The following DSE variants were observed in gnomAD, a reference collection of about 807,000 sequenced individuals.
DSE encodes dermatan sulfate epimerase, also known as dermatan-sulfate epimerase.
Under a neutral mutation model 84.4 loss-of-function variants are expected in DSE, and 36 were observed. The ratio of observed to expected loss-of-function variants is 0.43; its 90% CI spans 0.33 to 0.56. The LOEUF is 0.56. Among genes scored for constraint, DSE ranks in the 20% least tolerant of loss-of-function variants. DSE has a pLI of 0.06. For synonymous variants in DSE, 410 were observed against 430.1 expected (o/e 0.95, Z 0.58); for missense variants, 862 against 1,169.6 (o/e 0.74, Z 3.84).
At chr6:116,285,663 T>G (rs1298966707) in intron 2 of DSE, among the ~76,000 whole-genome samples, 5 of 152,240 alleles carry the variant, frequency 3.3e-5, no homozygotes, top group African/African-American at 2.4e-5. Flanking sequence ...GGTCTAACAT[T>G]TAAGTCTTTA....
intron 2 of DSE, among the ~76,000 whole-genome samples, chr6:116,418,527 G>T (rs1583206935): frequency 6.6e-6 from 1 of 152,006 alleles, no homozygotes; most frequent in East Asian, 1.9e-4. Flanking sequence ...TCCTTGGGTG[G>T]GCCCTGAGCA....
chr6:116,279,630 C>T, intron 2 of DSE: 3 of 1,604,290 alleles, frequency 1.9e-6, no homozygotes, highest in Non-Finnish European at 2.5e-6. Context: ...GTACGCCCCC[C>T]TCCTCTGAAG....
rs1416447107 is a variant in DSE, at chr6:116,403,775, G to A, written c.416+4109G>A. On this transcript the variant is annotated intron_variant, in intron 2 of 5. Coordinates refer to ENST00000644252, the MANE Select transcript of DSE (RefSeq NM_013352.4). ...GACTACTCTCTTGGCCCAAGGATCAGAAGGAAGTTTCCCATAGGGCTTTTA... is the reference window on the plus strand; with the variant it reads ...GACTACTCTCTTGGCCCAAGGATCAAAAGGAAGTTTCCCATAGGGCTTTTA... Among the ~76,000 whole-genome samples, 36 of 152,176 alleles carry A rather than the reference G, an allele frequency of 2.4e-4. 1 individual carries two copies. Among genetic ancestry groups the A allele is most frequent in the Non-Finnish European group, 4.4e-5 (3 of 68,020 alleles).
intron 2 of DSE, among the ~76,000 whole-genome samples, chr6:116,348,659 T>C (rs570443332): frequency 5.3e-5 from 8 of 152,246 alleles, no homozygotes; most frequent in African/African-American, 1.9e-4. Flanking sequence ...CATGCTGCTA[T>C]AAAGACACAT....
intron 2 of DSE, among the ~76,000 whole-genome samples, chr6:116,406,337 A>G (rs1460681572): frequency 1.3e-5 from 2 of 152,202 alleles, no homozygotes; most frequent in South Asian, 2.1e-4. Context: ...ACATGAATAT[A>G]TTAAGTTTCA....
intron 2 of DSE, chr6:116,412,876 C>T (rs1782474013): frequency 6.6e-6 from 1 of 151,508 alleles, no homozygotes; most frequent in African/African-American, 2.4e-5. Flanking sequence ...TAGTAGTCCC[C>T]ACTGTCTTTT....
At chr6:116,393,815 T>C (rs1781062450) in intron 1 of DSE, among the ~76,000 whole-genome samples, 1 of 152,234 alleles carries the variant, frequency 6.6e-6, no homozygotes. Flanking sequence ...CTTTCTCCCA[T>C]CCTTATACTT....
At chr6:116,285,238 T>A (rs1383883600) in intron 2 of DSE, among the ~76,000 whole-genome samples, 2 of 152,202 alleles carry the variant, frequency 1.3e-5, no homozygotes, top group African/African-American at 4.8e-5. Flanking sequence ...GGTATCTCAT[T>A]GTGGTTTTGA....
chr6:116,325,572 G>C (rs1312195871), intron 2 of DSE, among the ~76,000 whole-genome samples: 1 of 152,100 alleles, frequency 6.6e-6, no homozygotes, highest in African/African-American at 2.4e-5. Context: ...TAGTAGGTAG[G>C]TGTTCTCCTG....
At position 116,256,107 on chromosome 6, in the gene DSE, A is replaced by G. The variant is rs1461478447; in HGVS notation, c.-576+1812A>G. The G allele has an allele frequency of 2.0e-5, 3 of 152,266 alleles. No homozygotes were observed. The South Asian group carries it at 6.2e-4, about 31-fold the overall frequency. 9.4% of individuals were successfully genotyped at this position (152,266 alleles called of 1,614,324 possible). ...GAGCAGTTAACATGCCCATGGTCAC[A>G]TATGTATTAATTGGCAGATTGCCTC... On this transcript the variant is annotated intron_variant, in intron 1 of 3. Coordinates refer to the DSE transcript ENST00000430252.
rs916023711 is a variant in DSE, at chr6:116,443,115, A to T, written c.*5770A>T. On this transcript the variant is annotated 3_prime_UTR_variant, in exon 6 of 6. Transcript: ENST00000644252. ...GAGTGGACCCAATGGGGAAGAGGTTAGGAGACCATTTCCATAGTCTGGGTA... is the reference window on the plus strand; with the variant it reads ...GAGTGGACCCAATGGGGAAGAGGTTTGGAGACCATTTCCATAGTCTGGGTA... 1 of 152,248 alleles carries T rather than the reference A, an allele frequency of 6.6e-6. No individual in the cohort carries two copies. Among genetic ancestry groups the T allele is most frequent in the Non-Finnish European group, 1.5e-5 (1 of 68,048 alleles). 9.4% of individuals were successfully genotyped at this position (152,248 alleles called of 1,614,324 possible).
At chr6:116,274,181 TCAG>T (rs1773010105) in intron 2 of DSE, among the ~76,000 whole-genome samples, 1 of 152,100 alleles carries the variant, frequency 6.6e-6, no homozygotes, top group Non-Finnish European at 1.5e-5. Flanking sequence ...AGAGCTAGAC[TCAG>T]ATATTTTCCT....
In DSE at chr6:116,299,549, TATAC is replaced by T. The variant is rs1179658591; in HGVS notation, c.-54+40584_-54+40587del. On this transcript the variant is annotated intron_variant, in intron 2 of 3. Transcript: ENST00000430252. ...ATATATATATATATATATATATATA[TATAC>T]ACATACACACACACACACACATACA... Among the ~76,000 whole-genome samples the T allele has an allele frequency of 3.1e-4, 16 of 50,816 alleles. 1 individual carries two copies. The highest frequency in any genetic ancestry group is 1.8e-3 in the African/African-American group (12 of 6,752). 33.3% of individuals were successfully genotyped at this position (50,816 alleles called of 152,430 possible). A position where few individuals can be genotyped will look rare whatever the true frequency, so the allele number is the denominator to read the frequency against.
intron 2 of DSE, among the ~76,000 whole-genome samples, chr6:116,321,612 C>T (rs374628189): frequency 5.9e-5 from 9 of 151,968 alleles, no homozygotes; most frequent in African/African-American, 2.2e-4. Context: ...ATAGTGAAAC[C>T]CCGTCTCTAC....
intron 2 of DSE, among the ~76,000 whole-genome samples, chr6:116,284,669 CT>C (rs1773764827): frequency 8.1e-6 from 1 of 123,916 alleles, no homozygotes; most frequent in Admixed American, 8.5e-5. Context: ...CCCCTCCCCC[CT>C]CCCCCAACCT....
chr6:116,437,585 A>C lies in DSE; in HGVS notation c.*240A>C. On this transcript the variant is annotated 3_prime_UTR_variant, in exon 6 of 6. Coordinates refer to ENST00000644252, the MANE Select transcript of DSE (RefSeq NM_013352.4). The stretch of plus-strand genomic sequence containing the variant: ...GTTTTTGGAAGTATTTGGCATTGCT[A>C]ATTGAGCAGTCCATATAGTACTACT... 1 of 446,068 alleles carries C rather than the reference A, an allele frequency of 2.2e-6. No homozygotes were observed. The highest frequency in any genetic ancestry group is 4.0e-5 in the East Asian group (1 of 25,260). 27.6% of individuals were successfully genotyped at this position (446,068 alleles called of 1,614,324 possible).
At chr6:116,405,613 A>C (rs1210230867) in intron 2 of DSE, among the ~76,000 whole-genome samples, 1 of 152,206 alleles carries the variant, frequency 6.6e-6, no homozygotes, top group Non-Finnish European at 1.5e-5. Flanking sequence ...TAAAAATACT[A>C]TAGAAGGGTA....
chr6:116,356,742 G>A (rs1318945565), intron 2 of DSE, among the ~76,000 whole-genome samples: 1 of 152,086 alleles, frequency 6.6e-6, no homozygotes, highest in African/African-American at 2.4e-5. Context: ...CCACAACTCT[G>A]GATTTCCATC....
At chr6:116,376,987 A>C (rs1165448790) in intron 1 of DSE, among the ~76,000 whole-genome samples, 1 of 152,176 alleles carries the variant, frequency 6.6e-6, no homozygotes, top group Non-Finnish European at 1.5e-5. Flanking sequence ...TTCTAGACTT[A>C]ATAGTTTCTC....
Sources: allele counts gnomAD v4.1 joint callset (sites outside exome capture counted in the v4.1 genomes callset), GRCh38; gene constraint gnomAD v4.1.1; transcripts MANE v1.5; gene names NCBI Gene and HGNC (gene_info 2026-07-23, HGNC 2026-07-21).